The following ZPLD1 variants were observed in gnomAD, a reference collection of about 807,000 sequenced individuals.
ZPLD1 encodes the protein zona pellucida like domain containing 1, also known as zona pellucida-like domain-containing protein 1.
In ZPLD1, 34 loss-of-function variants were observed where a neutral mutation model predicts 47.2. The ratio of observed to expected loss-of-function variants is 0.72; its 90% CI spans 0.55 to 0.96. The LOEUF (loss-of-function observed/expected upper bound fraction) is 0.96, where lower values mean the gene tolerates loss of function less well. ZPLD1 is among the 40% of genes least tolerant of loss of function. ZPLD1 has a pLI of 0.00. For missense variants in ZPLD1, 512 were observed against 505.8 expected (o/e 1.01, Z -0.12); for synonymous variants, 176 against 186.2 (o/e 0.95, Z 0.45).
intron 3 of ZPLD1, among the ~76,000 whole-genome samples, chr3:102,443,296 T>G (rs1173033991): frequency 6.6e-6 from 1 of 152,168 alleles, no homozygotes; most frequent in African/African-American, 2.4e-5. Flanking sequence ...AAACAAGCAA[T>G]AAGTTCCATG....
intron 10 of ZPLD1, among the ~76,000 whole-genome samples, chr3:102,475,715 G>A (rs1042417695): frequency 3.9e-5 from 6 of 152,048 alleles, no homozygotes; most frequent in Non-Finnish European, 8.8e-5. Flanking sequence ...GTCCTATAGC[G>A]ATGCATTGCA....
chr3:102,434,228 T>G (rs1294650454), upstream of ZPLD1, among the ~76,000 whole-genome samples: 1 of 152,102 alleles, frequency 6.6e-6, no homozygotes, highest in Non-Finnish European at 1.5e-5. Context: ...CAGATCTCAA[T>G]AAAAAGATTA....
intron 1 of ZPLD1, among the ~76,000 whole-genome samples, chr3:102,436,311 A>C (rs1034283963): frequency 6.6e-6 from 1 of 152,334 alleles, no homozygotes; most frequent in South Asian, 2.1e-4. Flanking sequence ...TTTCACAATG[A>C]GAAATAAACA....
In ZPLD1 at chr3:102,470,468, G is replaced by C. The variant is rs561361102; in HGVS notation, c.1008G>C (p.Ala336=). ...TWSPQSSSGS[A]VLSAGPIITR... ...GCCCCCAGAGCTCTTCTGGCAGCGC[G>C]GTGCTCTCTGCTGGTCCCATCATTA... The change falls in exon 10 of 12, where the codon GCG becomes GCC. Residue 336 remains alanine (A), a synonymous_variant. Coordinates refer to ENST00000466937, the MANE Select transcript of ZPLD1 (RefSeq NM_001329788.2). 180 of 1,614,006 alleles carry C rather than the reference G, an allele frequency of 1.1e-4. 2 individuals are homozygous for C. The South Asian group carries it at 2.0e-3, about 18-fold the overall frequency.
intron 7 of ZPLD1, among the ~76,000 whole-genome samples, chr3:102,404,426 A>T (rs1706657870): frequency 6.6e-6 from 1 of 151,946 alleles, no homozygotes; most frequent in Non-Finnish European, 1.5e-5. Context: ...CTTCACCTAA[A>T]CATTCATTTC....
chr3:102,453,108 G>A lies in ZPLD1; in HGVS notation c.296G>A (p.Ser99Asn). The A allele has an allele frequency of 1.2e-6, 2 of 1,614,020 alleles. No homozygotes were observed. Among genetic ancestry groups the A allele is most frequent in the Non-Finnish European group, 1.7e-6 (2 of 1,179,970 alleles). Residue 99 changes from serine (S) to asparagine (N), a missense_variant, in exon 4 of 12, where the codon AGC becomes AAC. Physicochemically the swap from Ser to Asn is conservative, Grantham distance 46 (BLOSUM62 1). Coordinates refer to ENST00000466937, the MANE Select transcript of ZPLD1 (RefSeq NM_001329788.2). Reference sequence around the variant, plus strand: ...GTGGTCATTTTTATCATCAATCTCAGCACCTTGGAGGGCTGTGGAAACAAC... The same window carrying A: ...GTGGTCATTTTTATCATCAATCTCAACACCTTGGAGGGCTGTGGAAACAAC... ...PAVVIFIINL[S>N]TLEGCGNNLV...
intron 6 of ZPLD1, among the ~76,000 whole-genome samples, chr3:102,460,132 G>C (rs1159640378): frequency 6.6e-6 from 1 of 151,916 alleles, no homozygotes; most frequent in Non-Finnish European, 1.5e-5. Flanking sequence ...TTAACATGTA[G>C]CTAGCCAGAT....
chr3:102,414,563 A>G (rs1387795077), intron 7 of ZPLD1, among the ~76,000 whole-genome samples: 5 of 151,920 alleles, frequency 3.3e-5, no homozygotes, highest in Non-Finnish European at 7.4e-5. Flanking sequence ...AATGCCTTAC[A>G]AATCTGGGGA....
intron 8 of ZPLD1, among the ~76,000 whole-genome samples, chr3:102,426,358 A>T (rs935302810): frequency 1.3e-5 from 2 of 152,078 alleles, no homozygotes; most frequent in African/African-American, 4.8e-5. Context: ...TCTCTACTAA[A>T]AATACAAAAA....
intron 1 of ZPLD1, among the ~76,000 whole-genome samples, chr3:102,436,568 A>G (rs889367341): frequency 2.0e-5 from 3 of 152,200 alleles, no homozygotes; most frequent in Non-Finnish European, 4.4e-5. Context: ...TTACTATCAG[A>G]AAGACTTAGG....
At chr3:102,417,691 G>A (rs1002755207) in intron 7 of ZPLD1, among the ~76,000 whole-genome samples, 9 of 151,858 alleles carry the variant, frequency 5.9e-5, no homozygotes, top group East Asian at 1.9e-4. Context: ...GAAAGGGCCC[G>A]GCATCTTTCA....
At chr3:102,413,333 A>C (rs1056062812) in intron 7 of ZPLD1, among the ~76,000 whole-genome samples, 11 of 151,926 alleles carry the variant, frequency 7.2e-5, no homozygotes, top group South Asian at 4.1e-4. Context: ...CTTTCTCCAA[A>C]TCAATTTGAA....
In ZPLD1 at chr3:102,470,443, G is replaced by A; in HGVS notation, c.983G>A (p.Ser328Asn). The A allele has an allele frequency of 6.2e-7, 1 of 1,614,038 alleles. No homozygotes were observed. Among genetic ancestry groups the A allele is most frequent in the Non-Finnish European group, 8.5e-7 (1 of 1,179,992 alleles). ...GATGCTGGGAGGAGGACGACTTGGA[G>A]CCCCCAGAGCTCTTCTGGCAGCGCG... ...RRDAGRRTTW[S>N]PQSSSGSAVL... Residue 328 changes from serine to asparagine, a missense_variant, in exon 10 of 12, where the codon AGC becomes AAC. Transcript: ENST00000466937.
intron 4 of ZPLD1, 25 bp downstream of exon 4, chr3:102,453,164 C>G: frequency 6.3e-7 from 1 of 1,599,084 alleles, no homozygotes; most frequent in Non-Finnish European, 8.6e-7. Context: ...ACATTGTGTG[C>G]TAGGTCTGGG....
intron 3 of ZPLD1, among the ~76,000 whole-genome samples, chr3:102,445,358 T>G (rs924404210): frequency 6.6e-6 from 1 of 152,194 alleles, no homozygotes; most frequent in Non-Finnish European, 1.5e-5. Context: ...CCCTTCATGA[T>G]TCTTGTCTCT....
intron 8 of ZPLD1, among the ~76,000 whole-genome samples, chr3:102,466,778 A>G (rs1296402025): frequency 6.6e-6 from 1 of 152,104 alleles, no homozygotes; most frequent in African/African-American, 2.4e-5. Flanking sequence ...ATAAACAAAT[A>G]TGAAGGAAAA....
chr3:102,457,189 C>A (rs145957006), intron 5 of ZPLD1, among the ~76,000 whole-genome samples: 5 of 152,114 alleles, frequency 3.3e-5, no homozygotes, highest in African/African-American at 1.2e-4. Flanking sequence ...ATATTCATAG[C>A]TGGTTTTAAT....
intron 7 of ZPLD1, among the ~76,000 whole-genome samples, chr3:102,392,447 C>T (rs1446399895): frequency 6.6e-6 from 1 of 152,006 alleles, no homozygotes; most frequent in Non-Finnish European, 1.5e-5. Flanking sequence ...TATAGAGTTC[C>T]AAGGTGGTGC....
intron 7 of ZPLD1, among the ~76,000 whole-genome samples, chr3:102,392,424 G>C (rs2107285146): frequency 6.6e-6 from 1 of 152,224 alleles, no homozygotes; most frequent in East Asian, 1.9e-4. Flanking sequence ...CCTTCTTGCT[G>C]GTGGGAACCC....
Sources: gnomAD v4.1 joint callset for allele counts (sites outside exome capture counted in the v4.1 genomes callset) on GRCh38, gnomAD v4.1.1 for gene constraint, MANE v1.5 for transcripts, NCBI Gene and HGNC (gene_info 2026-07-23, HGNC 2026-07-21) for gene names.